The following CHD9 variants were observed in gnomAD, a reference collection of about 807,000 sequenced individuals.
CHD9 encodes the protein ATP-dependent chromatin remodeler CHD9.
In CHD9, 77 loss-of-function variants were observed where a neutral mutation model predicts 316.1. The observed-to-expected ratio is 0.24, with a 90% CI of 0.20 to 0.29. The LOEUF (loss-of-function observed/expected upper bound fraction) is 0.29, where lower values mean the gene tolerates loss of function less well. Ranked by LOEUF, CHD9 falls within the 10% of genes least tolerant of loss-of-function variation. The pLI, the probability that CHD9 is intolerant of heterozygous loss-of-function variation, is 1.00. For missense variants in CHD9, 2,763 were observed against 3,438.1 expected (o/e 0.80, Z 4.91); for synonymous variants, 1,129 against 1,158.3 (o/e 0.97, Z 0.51).
At chr16:53,311,160 A>G (rs2056445045) in intron 34 of CHD9, 1 of 150,586 alleles carries the variant, frequency 6.6e-6, no homozygotes, top group South Asian at 2.1e-4. Flanking sequence ...TAGGTGACAG[A>G]GCAAGACCTG....
At chr16:53,090,558 C>A (rs1023336916) in intron 1 of CHD9, among the ~76,000 whole-genome samples, 1 of 152,124 alleles carries the variant, frequency 6.6e-6, no homozygotes, top group African/African-American at 2.4e-5. Flanking sequence ...GTATGACGGT[C>A]CTGGCATACA....
intron 12 of CHD9, among the ~76,000 whole-genome samples, chr16:53,240,589 CTT>C (rs1334816835): frequency 6.6e-6 from 1 of 151,678 alleles, no homozygotes; most frequent in African/African-American, 2.4e-5. Context: ...AGAATTAACT[CTT>C]TTAAATATAT....
chr16:53,228,779 A>AG (rs1256104356), intron 7 of CHD9, among the ~76,000 whole-genome samples: 1 of 152,158 alleles, frequency 6.6e-6, no homozygotes, highest in Non-Finnish European at 1.5e-5. Context: ...GGCAAATTGT[A>AG]TACCTTTAGA....
At chr16:53,143,326 A>G (rs201693385) in intron 1 of CHD9, among the ~76,000 whole-genome samples, 2 of 151,412 alleles carry the variant, frequency 1.3e-5, no homozygotes, top group Admixed American at 1.3e-4. Flanking sequence ...GTGGACTTTC[A>G]TAATGATTTT....
intron 37 of CHD9, 140 bp from the exon 38 acceptor site, chr16:53,321,386 A>G (rs1416486702): frequency 7.2e-7 from 1 of 1,388,014 alleles, no homozygotes; most frequent in East Asian, 2.6e-5. Flanking sequence ...GGGCCTTTTT[A>G]ATATAATCAT....
Position 53,286,192 on chromosome 16 carries a change from TC to T in CHD9, c.5072-33del, listed in dbSNP as rs1478643319. The T allele has an allele frequency of 3.1e-6, 4 of 1,281,960 alleles. No individual in the cohort carries two copies. In the South Asian group the frequency reaches 4.8e-5, roughly 15 times the overall value. The allele number at this position is 1,281,960 out of a possible 1,614,324, so 79.4% of individuals were successfully genotyped here. On this transcript the variant is annotated intron_variant, in intron 25 of 38. Transcript: ENST00000447540. Reference sequence around the variant, plus strand: ...TATGTATACACCTTTCTTCTTTTTATCTTTTTTACTTTTGTAATTGGTGATG... The same window carrying T: ...TATGTATACACCTTTCTTCTTTTTATTTTTTTACTTTTGTAATTGGTGATG...
At chr16:53,057,186 T>A (rs1253232241) in intron 1 of CHD9, among the ~76,000 whole-genome samples, 2 of 151,742 alleles carry the variant, frequency 1.3e-5, no homozygotes, top group Non-Finnish European at 2.9e-5. Flanking sequence ...TTTAAAAAAA[T>A]ATGTTTGTGG....
intron 2 of CHD9, among the ~76,000 whole-genome samples, chr16:53,201,823 A>G (rs1165763186): frequency 6.6e-6 from 1 of 151,632 alleles, no homozygotes; most frequent in Non-Finnish European, 1.5e-5. Flanking sequence ...AAAAGGCAAA[A>G]ATTTGGGGGG....
chr16:53,102,982 A>T (rs1157568091), intron 1 of CHD9, among the ~76,000 whole-genome samples: 2 of 151,732 alleles, frequency 1.3e-5, no homozygotes, highest in Non-Finnish European at 2.9e-5. Context: ...AGTAGCTGGG[A>T]CTACAGGCAC....
At chr16:53,102,550 A>T (rs1292582338) in intron 1 of CHD9, among the ~76,000 whole-genome samples, 2 of 152,070 alleles carry the variant, frequency 1.3e-5, no homozygotes, top group South Asian at 4.2e-4. Context: ...CACAATAAAT[A>T]TTTTTTTAAT....
At chr16:53,308,536 A>C (rs984221030) in intron 33 of CHD9, 150 bp from the exon 34 acceptor site, 1 of 620,940 alleles carries the variant, frequency 1.6e-6, no homozygotes, top group Non-Finnish European at 2.8e-6. Flanking sequence ...AAATGTTTTT[A>C]TTTGACTGAT....
intron 3 of CHD9, among the ~76,000 whole-genome samples, chr16:53,216,449 T>C (rs2046770223): frequency 6.6e-6 from 1 of 152,176 alleles, no homozygotes; most frequent in African/African-American, 2.4e-5. Context: ...TTAATTGATA[T>C]TAGATATCTG....
chr16:53,142,098 A>G (rs1402701874), intron 1 of CHD9, among the ~76,000 whole-genome samples: 6 of 152,230 alleles, frequency 3.9e-5, no homozygotes, highest in Admixed American at 1.3e-4. Context: ...GTTGATTGGT[A>G]TAACATTTTT....
At position 53,293,012 on chromosome 16, in the gene CHD9, C is replaced by T; in HGVS notation, c.5470C>T (p.Leu1824Phe). The change falls in exon 29 of 39, where the codon CTT (leucine) becomes TTT (phenylalanine). Residue 1824 changes from leucine to phenylalanine, a missense_variant. Physicochemically the swap from Leu to Phe is conservative, Grantham distance 22. This residue lies in a region of CHD9 where 183 missense variants were observed against 258.5 expected (regional missense o/e 0.71). Transcript: ENST00000447540. ...VMQPIYEEAT[L>F]NPKMAAKIER... ...GCAGCCTATTTATGAGGAAGCCACTCTTAATCCTAAAATGGCAGCCAAGAT... is the reference window on the plus strand; with the variant it reads ...GCAGCCTATTTATGAGGAAGCCACTTTTAATCCTAAAATGGCAGCCAAGAT... 1 of 1,613,794 alleles carries T rather than the reference C, an allele frequency of 6.2e-7. No homozygotes were observed. Among genetic ancestry groups the T allele is most frequent in the African/African-American group, 1.3e-5 (1 of 75,018 alleles).
At chr16:53,092,675 C>T (rs1475133366) in intron 1 of CHD9, among the ~76,000 whole-genome samples, 1 of 152,176 alleles carries the variant, frequency 6.6e-6, no homozygotes, top group African/African-American at 2.4e-5. Context: ...AAAAGAACCC[C>T]ACTCTCCACA....
chr16:53,120,524 A>G (rs1380990928), intron 1 of CHD9, among the ~76,000 whole-genome samples: 3 of 152,074 alleles, frequency 2.0e-5, no homozygotes, highest in Non-Finnish European at 2.9e-5. Context: ...GAAGCAGGAG[A>G]ATCGCTTGAA....
intron 17 of CHD9, 65 bp downstream of exon 17, chr16:53,250,131 G>T: frequency 1.8e-6 from 2 of 1,106,876 alleles, no homozygotes; most frequent in South Asian, 3.0e-5. Flanking sequence ...GTAACTTTTT[G>T]GTAATCCACA....
chr16:53,108,995 G>A (rs144860565), intron 1 of CHD9, among the ~76,000 whole-genome samples: 1 of 152,376 alleles, frequency 6.6e-6, no homozygotes, highest in East Asian at 1.9e-4. Flanking sequence ...ATGATTGAAG[G>A]AGAGGGGGTG....
intron 31 of CHD9, 68 bp downstream of exon 31, chr16:53,304,693 C>CTTTTTTTTTT (rs376929117): frequency 4.4e-5 from 34 of 769,592 alleles, no homozygotes; most frequent in African/African-American, 1.4e-4. Context: ...CTTTTCTTTT[C>CTTTTTTTTTT]TTTTTTTTTT....
Sources: allele counts gnomAD v4.1 joint callset (sites outside exome capture counted in the v4.1 genomes callset), GRCh38; gene constraint gnomAD v4.1.1; regional missense constraint gnomAD v4.1.1; transcripts MANE v1.5; gene names NCBI Gene and HGNC (gene_info 2026-07-23, HGNC 2026-07-21).